SPTBN1: variants seen among roughly 807,000 people sequenced by gnomAD.
SPTBN1 encodes the protein spectrin beta chain, non-erythrocytic 1.
In SPTBN1, 32 loss-of-function variants were observed where a neutral mutation model predicts 266.4. The observed-to-expected ratio is 0.12, with a 90% CI of 0.09 to 0.16. The LOEUF is 0.16. Among genes scored for constraint, SPTBN1 ranks in the 10% least tolerant of loss-of-function variants. The probability of loss-of-function intolerance (pLI) is 1.00; values close to 1 mark genes in which losing one functional copy is unlikely to be tolerated. For missense variants in SPTBN1, 2,296 were observed against 3,067.1 expected (o/e 0.75, Z 5.94); for synonymous variants, 1,336 against 1,162.2 (o/e 1.15, Z -3.04).
At chr2:54,581,116 T>A (rs1003260165) in intron 2 of SPTBN1, among the ~76,000 whole-genome samples, 4 of 151,796 alleles carry the variant, frequency 2.6e-5, no homozygotes, top group African/African-American at 9.7e-5. Flanking sequence ...AGAAAAAATA[T>A]ATAAATATAT....
intron 9 of SPTBN1, among the ~76,000 whole-genome samples, chr2:54,623,099 A>G (rs141981066): frequency 2.6e-5 from 4 of 152,304 alleles, no homozygotes; most frequent in African/African-American, 7.2e-5. Flanking sequence ...TCAGTTGCAT[A>G]TATCTTGGTA....
intron 1 of SPTBN1, among the ~76,000 whole-genome samples, chr2:54,522,686 A>AGG (rs1394665795): frequency 3.0e-4 from 42 of 142,108 alleles, no homozygotes; most frequent in African/African-American, 1.0e-3. Flanking sequence ...GAGGAGAGAG[A>AGG]GAGAGAGAGA....
At chr2:54,467,618 C>G (rs1160079627) in intron 1 of SPTBN1, among the ~76,000 whole-genome samples, 3 of 152,174 alleles carry the variant, frequency 2.0e-5, no homozygotes, top group African/African-American at 4.8e-5. Flanking sequence ...CTCCTGACCT[C>G]AAGTGATCCA....
intron 30 of SPTBN1, among the ~76,000 whole-genome samples, chr2:54,658,509 C>T (rs950775269): frequency 1.3e-5 from 2 of 152,298 alleles, no homozygotes; most frequent in African/African-American, 4.8e-5. Context: ...AGGATTTGTG[C>T]ACTGGTGTTT....
chr2:54,488,130 A>C (rs1668505555), intron 1 of SPTBN1, among the ~76,000 whole-genome samples: 1 of 151,966 alleles, frequency 6.6e-6, no homozygotes, highest in South Asian at 2.1e-4. Flanking sequence ...CGCCCGGCCC[A>C]TCATATCCTT....
chr2:54,517,095 C>T (rs747982992), intron 1 of SPTBN1, among the ~76,000 whole-genome samples: 2 of 148,170 alleles, frequency 1.3e-5, no homozygotes, highest in Non-Finnish European at 3.0e-5. Flanking sequence ...TTTCTTATCC[C>T]ACTTAAGGTC....
chr2:54,565,580 G>C (rs1673609923), intron 2 of SPTBN1, among the ~76,000 whole-genome samples: 1 of 152,142 alleles, frequency 6.6e-6, no homozygotes, highest in African/African-American at 2.4e-5. Flanking sequence ...GGATAGTTCA[G>C]CAAGGCATCA....
chr2:54,643,306 G>T (rs868000047), intron 19 of SPTBN1, among the ~76,000 whole-genome samples, 177 bp downstream of exon 19: 1 of 152,182 alleles, frequency 6.6e-6, no homozygotes, highest in African/African-American at 2.4e-5. Context: ...CCATCAAAAG[G>T]GAAAAAAGCA....
intron 35 of SPTBN1, among the ~76,000 whole-genome samples, 169 bp from the exon 36 acceptor site, chr2:54,668,182 C>T (rs139247782): frequency 0.011 from 1,615 of 152,266 alleles, 16 homozygotes; most frequent in South Asian, 0.031. Flanking sequence ...GAAGCTGAAC[C>T]AGGTTCCCTC....
chr2:54,558,437 G>T lies in SPTBN1; in HGVS notation c.148+31871G>T. 1 of 1,027,480 alleles carries T rather than the reference G, an allele frequency of 9.7e-7. No individual in the cohort carries two copies. The highest frequency in any genetic ancestry group is 1.2e-6 in the Non-Finnish European group (1 of 857,764). The allele number at this position is 1,027,480 out of a possible 1,614,324, so 63.6% of individuals were successfully genotyped here. On this transcript the variant is annotated intron_variant, in intron 2 of 35. Coordinates refer to ENST00000356805, the MANE Select transcript of SPTBN1 (RefSeq NM_003128.3). The surrounding 1 kb of genome is among the most constrained non-coding windows in gnomAD (Gnocchi z 4.6). ...GCGAGCTCCCGGGCTCGGCAACCGT[G>T]GCATGCTTAGGATTGGCCATATTTA...
chr2:54,529,780 G>A (rs773567831), intron 2 of SPTBN1: 3 of 517,780 alleles, frequency 5.8e-6, no homozygotes, highest in Middle Eastern at 1.3e-3. Context: ...TGCTTTGGAT[G>A]TTGCCAACAA....
chr2:54,619,042 A>C (rs926436523), intron 7 of SPTBN1, among the ~76,000 whole-genome samples: 6 of 152,250 alleles, frequency 3.9e-5, no homozygotes, highest in African/African-American at 1.4e-4. Context: ...ATTTGTTTGA[A>C]GTGCTGGAGA....
intron 2 of SPTBN1, among the ~76,000 whole-genome samples, chr2:54,565,361 A>T (rs1558846341): frequency 6.6e-6 from 1 of 152,152 alleles, no homozygotes; most frequent in Non-Finnish European, 1.5e-5. Flanking sequence ...AGTGGGAAAA[A>T]CATTAGCTAC....
chr2:54,576,806 C>G (rs1279690945), intron 2 of SPTBN1, among the ~76,000 whole-genome samples: 1 of 152,212 alleles, frequency 6.6e-6, no homozygotes, highest in African/African-American at 2.4e-5. Context: ...AAGGGACAGC[C>G]ACGGTCTCAA....
At chr2:54,656,685 T>C (rs769451158) in intron 29 of SPTBN1, among the ~76,000 whole-genome samples, 2 of 152,216 alleles carry the variant, frequency 1.3e-5, no homozygotes, top group African/African-American at 2.4e-5. Flanking sequence ...ATGCATGTTA[T>C]GGGGGTTTAC....
chr2:54,531,252 G>A (rs957348933), intron 2 of SPTBN1, among the ~76,000 whole-genome samples: 67 of 152,344 alleles, frequency 4.4e-4, no homozygotes, highest in African/African-American at 1.5e-3. Context: ...CTGATATGGG[G>A]GCAGTCTTGT....
At chr2:54,658,648 T>C (rs1250771159) in intron 30 of SPTBN1, among the ~76,000 whole-genome samples, 2 of 152,240 alleles carry the variant, frequency 1.3e-5, no homozygotes, top group Non-Finnish European at 2.9e-5. Context: ...ACAGAGTACT[T>C]CTGGTACATC....
At chr2:54,661,752 G>T (rs1157858646) in intron 32 of SPTBN1, 1 of 985,252 alleles carries the variant, frequency 1.0e-6, no homozygotes, top group African/African-American at 1.7e-5. Context: ...ATATGTGTGT[G>T]TGTTTAAATT....
chr2:54,640,031 T>G (rs1385728845), intron 18 of SPTBN1, among the ~76,000 whole-genome samples: 1 of 152,160 alleles, frequency 6.6e-6, no homozygotes, highest in East Asian at 1.9e-4. Flanking sequence ...ATGTATAGTC[T>G]CTGCATGGTT....
Sources: gnomAD v4.1 joint callset for allele counts (sites outside exome capture counted in the v4.1 genomes callset) on GRCh38, gnomAD v4.1.1 for gene constraint, Gnocchi (gnomAD v3.1) non-coding constraint, MANE v1.5 for transcripts, NCBI Gene and HGNC (gene_info 2026-07-23, HGNC 2026-07-21) for gene names.